Variants in ATP10B observed in about 807,000 individuals in gnomAD.
The protein encoded by ATP10B is ATPase phospholipid transporting 10B (putative), also known as phospholipid-transporting ATPase VB.
Under a neutral mutation model 141.2 loss-of-function variants are expected in ATP10B, and 122 were observed. The observed-to-expected ratio is 0.86, with a 90% CI of 0.75 to 1.00. The LOEUF (loss-of-function observed/expected upper bound fraction) is 1.00, where lower values mean the gene tolerates loss of function less well. Among genes scored for constraint, ATP10B ranks in the 50% least tolerant of loss-of-function variants. ATP10B has a pLI of 0.00. For synonymous variants in ATP10B, 685 were observed against 692.0 expected, an observed-to-expected ratio of 0.99 and a Z score of 0.16; for missense variants, 1,876 against 1,825.3, an observed-to-expected ratio of 1.03 and a Z score of -0.51.
At chr5:160,797,130 C>A (rs1772001967) in intron 1 of ATP10B, among the ~76,000 whole-genome samples, 2 of 152,062 alleles carry the variant, frequency 1.3e-5, no homozygotes, top group African/African-American at 4.8e-5. Context: ...AAACCAGGGC[C>A]CAGGAACCCC....
Position 160,715,868 on chromosome 5 carries a change from G to A in ATP10B, c.-205+1041C>T, listed in dbSNP as rs115155683. ...TGGGATTATAGGTGCCTACCACTACGCCTGGCTAATTTTTGTAGTTTTAGT... is the reference window on the plus strand; with the variant it reads ...TGGGATTATAGGTGCCTACCACTACACCTGGCTAATTTTTGTAGTTTTAGT... On this transcript the variant is annotated intron_variant, in intron 3 of 25. Coordinates refer to ENST00000327245, the MANE Select transcript of ATP10B (RefSeq NM_025153.3). Among the ~76,000 whole-genome samples, 1,495 of 151,894 alleles carry A rather than the reference G, an allele frequency of 9.8e-3. 24 individuals carry two copies. The highest frequency in any genetic ancestry group is 0.035 in the African/African-American group (1,430 of 41,446).
chr5:160,670,006 T>C (rs893317139), intron 7 of ATP10B, among the ~76,000 whole-genome samples: 4 of 148,810 alleles, frequency 2.7e-5, no homozygotes, highest in African/African-American at 5.0e-5. Flanking sequence ...AATGGAAACA[T>C]AGTTAATGAT....
Position 160,612,867 on chromosome 5 carries a change from C to T in ATP10B, c.2712G>A (p.Leu904=), listed in dbSNP as rs1372342427. ...CCCAGAGCTGGATCCCAGCCTCCCGCAGAGTGGCAATCGTATCTGGAACTC... is the reference window on the plus strand; with the variant it reads ...CCCAGAGCTGGATCCCAGCCTCCCGTAGAGTGGCAATCGTATCTGGAACTC... The part of the protein sequence containing the change: ...QEGVPDTIAT[L]REAGIQLWVL... Residue 904 remains leucine (L), a synonymous_variant, in exon 18 of 26, where the codon CTG becomes CTA. Transcript: ENST00000327245. The T allele has an allele frequency of 1.2e-6, 2 of 1,613,934 alleles. No individual in the cohort carries two copies. Among genetic ancestry groups the T allele is most frequent in the Non-Finnish European group, 1.7e-6 (2 of 1,179,980 alleles).
intron 24 of ATP10B, among the ~76,000 whole-genome samples, chr5:160,575,870 C>T (rs1375357828): frequency 1.3e-5 from 2 of 152,194 alleles, no homozygotes; most frequent in African/African-American, 4.8e-5. Flanking sequence ...TCAGGCAAAG[C>T]TGGATGCAGG....
chr5:160,926,236 C>T, the ATP10B span, among the ~76,000 whole-genome samples: 1 of 152,150 alleles, frequency 6.6e-6, no homozygotes, highest in Non-Finnish European at 1.5e-5. Context: ...GCTGATATTG[C>T]TATTATCTCT....
intron 7 of ATP10B, among the ~76,000 whole-genome samples, chr5:160,652,107 T>C (rs1049644851): frequency 2.0e-5 from 3 of 152,182 alleles, no homozygotes; most frequent in African/African-American, 4.8e-5. Context: ...TGTTCCTCTG[T>C]TGGGGCTTCC....
intron 2 of ATP10B, among the ~76,000 whole-genome samples, chr5:160,740,715 C>A (rs1035912783): frequency 2.0e-5 from 3 of 152,218 alleles, no homozygotes; most frequent in African/African-American, 7.2e-5. Context: ...TACATTGGCA[C>A]CACCTTTCCT....
chr5:160,617,988 T>G lies in ATP10B; in HGVS notation c.2417-15A>C. The G allele has an allele frequency of 1.3e-6, 2 of 1,599,092 alleles. No homozygotes were observed. Among genetic ancestry groups the G allele is most frequent in the Non-Finnish European group, 1.7e-6 (2 of 1,166,470 alleles). ...AATGTCAGGTACTGTCAAATAGCCA[T>G]TTTCCCGCATGAGGCCACATACAAA... On this transcript the variant is annotated splice_polypyrimidine_tract_variant and intron_variant, in intron 15 of 25. Coordinates refer to ENST00000327245, the MANE Select transcript of ATP10B (RefSeq NM_025153.3).
At chr5:160,924,684 G>A in the ATP10B span, among the ~76,000 whole-genome samples, 1 of 152,132 alleles carries the variant, frequency 6.6e-6, no homozygotes, top group African/African-American at 2.4e-5. Flanking sequence ...CACGAGAAAT[G>A]GTAATTGTGT....
chr5:160,849,743 G>T (rs114107641), intron 1 of ATP10B, among the ~76,000 whole-genome samples: 1 of 151,536 alleles, frequency 6.6e-6, no homozygotes, highest in Non-Finnish European at 1.5e-5. Context: ...TCCAAAGCCC[G>T]TTTTTTTTCT....
chr5:160,602,862 C>T lies in ATP10B; in HGVS notation c.3238-160G>A, dbSNP rs1581185037. 15 of 831,106 alleles carry T rather than the reference C, an allele frequency of 1.8e-5. 1 individual carries two copies. In the East Asian group the frequency reaches 4.4e-4, roughly 25 times the overall value. 51.5% of individuals were successfully genotyped at this position (831,106 alleles called of 1,614,324 possible). A position where few individuals can be genotyped will look rare whatever the true frequency, so the allele number is the denominator to read the frequency against. ...GGGTAGCTTTTTGGATTCTGACACC[C>T]CACCCTCCCTTCTGGGAAATCCAAA... On this transcript the variant is annotated intron_variant, in intron 20 of 25. Transcript: ENST00000327245.
At chr5:160,818,261 G>A (rs1419457768) in intron 1 of ATP10B, among the ~76,000 whole-genome samples, 2 of 152,158 alleles carry the variant, frequency 1.3e-5, no homozygotes, top group South Asian at 2.1e-4. Context: ...CTGACAAGGG[G>A]CTAATATGCA....
the ATP10B span, among the ~76,000 whole-genome samples, chr5:160,894,626 C>G: frequency 3.9e-5 from 6 of 152,284 alleles, no homozygotes; most frequent in East Asian, 9.7e-4. Context: ...TTGGAAAACA[C>G]TCTTCAGGAT....
Position 160,725,192 on chromosome 5 carries a change from G to A in ATP10B, c.-330-8158C>T, listed in dbSNP as rs185486128. Among the ~76,000 whole-genome samples the A allele has an allele frequency of 1.2e-4, 19 of 152,292 alleles. 1 individual carries two copies. The highest frequency in any genetic ancestry group is 2.6e-4 in the African/African-American group (11 of 41,564). ...AATGACTGCAAAATAGATGAAGAAA[G>A]GAGGATATACTTACAGGGGAAGAAC... On this transcript the variant is annotated intron_variant, in intron 2 of 25. Transcript: ENST00000327245.
At chr5:160,886,637 G>A in the ATP10B span, among the ~76,000 whole-genome samples, 1 of 152,168 alleles carries the variant, frequency 6.6e-6, no homozygotes, top group Non-Finnish European at 1.5e-5. Context: ...GCAAGAATTG[G>A]CTGATCTGAC....
chr5:160,663,346 T>G (rs1204291773), intron 7 of ATP10B, among the ~76,000 whole-genome samples: 5 of 152,184 alleles, frequency 3.3e-5, no homozygotes, highest in Non-Finnish European at 7.3e-5. Context: ...ACATGTATGT[T>G]TATTACAGCA....
intron 2 of ATP10B, among the ~76,000 whole-genome samples, chr5:160,739,933 C>T (rs4613759): frequency 0.97 from 147,861 of 152,334 alleles, 71,854 homozygotes; most frequent in East Asian, 1. Context: ...TGCCTCAGTC[C>T]TCTAAGTAGC....
intron 2 of ATP10B, among the ~76,000 whole-genome samples, chr5:160,744,538 A>G (rs920307779): frequency 6.6e-6 from 1 of 152,150 alleles, no homozygotes; most frequent in Non-Finnish European, 1.5e-5. Context: ...ATGAGGCTTT[A>G]CTTTTGTCTA....
intron 7 of ATP10B, among the ~76,000 whole-genome samples, chr5:160,656,434 T>C (rs75504725): frequency 0.011 from 1,707 of 152,316 alleles, 28 homozygotes; most frequent in African/African-American, 0.038. Flanking sequence ...TTCTGTAAGC[T>C]AGTGGTTCCT....
Sources: gnomAD v4.1 joint callset for allele counts (sites outside exome capture counted in the v4.1 genomes callset) on GRCh38, gnomAD v4.1.1 for gene constraint, MANE v1.5 for transcripts, NCBI Gene and HGNC (gene_info 2026-07-23, HGNC 2026-07-21) for gene names.